The following TMEM132C variants were observed in gnomAD, a reference collection of about 807,000 sequenced individuals.
TMEM132C encodes protein phosphatase 1, regulatory subunit 152.
In TMEM132C, 29 loss-of-function variants were observed where a neutral mutation model predicts 61.4. That is an observed-to-expected ratio of 0.47 (90% confidence interval 0.35 to 0.64). The LOEUF is 0.64. TMEM132C is among the 30% of genes least tolerant of loss of function. TMEM132C has a pLI of 0.00. For missense variants in TMEM132C, 1,408 were observed against 1,476.9 expected, an observed-to-expected ratio of 0.95 and a Z score of 0.76; for synonymous variants, 656 against 633.1, an observed-to-expected ratio of 1.04 and a Z score of -0.54.
chr12:128,414,840 A>G lies in TMEM132C; in HGVS notation c.194A>G (p.Lys65Arg). 1.3e-6 allele frequency: 2 copies of G among 1,548,796 alleles called. No homozygotes were observed. Among genetic ancestry groups the G allele is most frequent in the African/African-American group, 1.4e-5 (1 of 73,148 alleles). The change falls in exon 2 of 9, where the codon AAG (lysine) becomes AGG (arginine). Residue 65 changes from lysine to arginine, a missense_variant. Physicochemically the swap from Lys to Arg is conservative, Grantham distance 26 (BLOSUM62 2). Transcript: ENST00000435159. ...AGAGCAGAGACCTCCTTCTTCCTCA[A>G]GGAAGCCAACCAGGACCTGCTGCGG... is the stretch of plus-strand genomic sequence containing the variant. ...ILRAETSFFL[K>R]EANQDLLRNS... is the part of the protein sequence containing the mutation.
intron 2 of TMEM132C, among the ~76,000 whole-genome samples, chr12:128,500,571 G>A (rs1270785476): frequency 6.6e-6 from 1 of 152,032 alleles, no homozygotes; most frequent in Non-Finnish European, 1.5e-5. Context: ...GTACACAAAT[G>A]TCCAATATGT....
At chr12:128,506,210 G>A (rs1872353527) in intron 2 of TMEM132C, among the ~76,000 whole-genome samples, 1 of 152,200 alleles carries the variant, frequency 6.6e-6, no homozygotes, top group Admixed American at 6.5e-5. Flanking sequence ...CCAGATGCAG[G>A]AGAAAGCAGT....
intron 2 of TMEM132C, among the ~76,000 whole-genome samples, chr12:128,522,405 G>T (rs1329730681): frequency 6.6e-6 from 1 of 152,174 alleles, no homozygotes; most frequent in Admixed American, 6.5e-5. Context: ...CCGGCACTCT[G>T]CCTTCTCTGC....
chr12:128,556,885 G>A (rs182089594), intron 3 of TMEM132C, among the ~76,000 whole-genome samples: 39 of 152,212 alleles, frequency 2.6e-4, no homozygotes, highest in Non-Finnish European at 4.6e-4. Context: ...AAGACACCCA[G>A]CTAAGCCCTT....
chr12:128,629,504 T>C (rs1954047944), intron 4 of TMEM132C, among the ~76,000 whole-genome samples: 1 of 152,074 alleles, frequency 6.6e-6, no homozygotes, highest in African/African-American at 2.4e-5. Flanking sequence ...ATTCCACTAA[T>C]ATGAGGTATC....
chr12:128,363,293 G>C (rs1873762209), intron 1 of TMEM132C, among the ~76,000 whole-genome samples: 1 of 152,066 alleles, frequency 6.6e-6, no homozygotes, highest in Non-Finnish European at 1.5e-5. Context: ...CCCAATCAAA[G>C]CCTGCTCTGC....
chr12:128,601,727 G>GCAGTGGC (rs540444180), intron 3 of TMEM132C, among the ~76,000 whole-genome samples: 7,684 of 152,188 alleles, frequency 0.05, 516 homozygotes, highest in African/African-American at 0.15. Context: ...GGGGATCAGT[G>GCAGTGGC]CAGTGGCGGT....
chr12:128,409,995 T>A (rs1367419391), intron 1 of TMEM132C, among the ~76,000 whole-genome samples: 1 of 152,140 alleles, frequency 6.6e-6, no homozygotes, highest in Non-Finnish European at 1.5e-5. Context: ...TTAGGAATAA[T>A]AATATGGTGG....
Position 128,686,127 on chromosome 12 carries a change from T to C in TMEM132C, c.1450-7702T>C, listed in dbSNP as rs574694503. ...GTGTGCATGTGTGTGTGCATGTATG[T>C]GTGCATGTGTGTGCATATGTGTGTA... On this transcript the variant is annotated intron_variant, in intron 5 of 8. Coordinates refer to ENST00000435159, the MANE Select transcript of TMEM132C (RefSeq NM_001136103.3). Among the ~76,000 whole-genome samples, 74 of 151,958 alleles carry C rather than the reference T, an allele frequency of 4.9e-4. 1 individual carries two copies. Among genetic ancestry groups the C allele is most frequent in the Admixed American group, 2.8e-3 (43 of 15,264 alleles).
chr12:128,301,910 A>ACG (rs758039016), intron 1 of TMEM132C, among the ~76,000 whole-genome samples: 2 of 152,190 alleles, frequency 1.3e-5, no homozygotes, highest in Admixed American at 6.5e-5. Flanking sequence ...ATGGTGGCAG[A>ACG]TGAGAGAAAT....
Position 128,267,253 on chromosome 12 carries a change from G to A in TMEM132C, c.-150G>A, listed in dbSNP as rs867675369. The A allele has an allele frequency of 5.2e-5, 15 of 290,460 alleles. No individual in the cohort carries two copies. Among genetic ancestry groups the A allele is most frequent in the Non-Finnish European group, 2.0e-5 (4 of 196,368 alleles). 18.0% of individuals were successfully genotyped at this position (290,460 alleles called of 1,614,324 possible). On this transcript the variant is annotated 5_prime_UTR_variant, in exon 1 of 9. Coordinates refer to ENST00000435159, the MANE Select transcript of TMEM132C (RefSeq NM_001136103.3). ...GCCGGAGCTGCGGCGGCGTGGACCCGGCAGGGGCGGGCCTCGGACAGCAGA... is the reference window on the plus strand; with the variant it reads ...GCCGGAGCTGCGGCGGCGTGGACCCAGCAGGGGCGGGCCTCGGACAGCAGA...
chr12:128,644,025 A>T (rs1263558533), intron 4 of TMEM132C, among the ~76,000 whole-genome samples: 2 of 152,168 alleles, frequency 1.3e-5, no homozygotes, highest in Non-Finnish European at 2.9e-5. Flanking sequence ...GTCATGGGGG[A>T]ACTGCAAATT....
At chr12:128,485,784 C>G (rs145929736) in intron 2 of TMEM132C, among the ~76,000 whole-genome samples, 1 of 152,326 alleles carries the variant, frequency 6.6e-6, no homozygotes, top group East Asian at 1.9e-4. Flanking sequence ...GATTGCTCTT[C>G]CCCCTTCCAG....
At chr12:128,409,907 G>C (rs889250536) in intron 1 of TMEM132C, among the ~76,000 whole-genome samples, 9 of 152,150 alleles carry the variant, frequency 5.9e-5, no homozygotes, top group African/African-American at 2.2e-4. Context: ...ATGATGACAA[G>C]ATAGTGTCTT....
intron 4 of TMEM132C, among the ~76,000 whole-genome samples, chr12:128,654,218 G>C (rs904343130): frequency 6.6e-6 from 1 of 152,158 alleles, no homozygotes; most frequent in African/African-American, 2.4e-5. Flanking sequence ...TCCAATGACT[G>C]GTGTCCCTAT....
chr12:128,573,155 A>G (rs1014769279), intron 3 of TMEM132C, among the ~76,000 whole-genome samples: 10 of 152,240 alleles, frequency 6.6e-5, no homozygotes, highest in South Asian at 6.2e-4. Context: ...ATGCACATAT[A>G]TGTTTATTGT....
At chr12:128,323,804 G>C (rs1476180019) in intron 1 of TMEM132C, among the ~76,000 whole-genome samples, 2 of 152,208 alleles carry the variant, frequency 1.3e-5, no homozygotes, top group African/African-American at 4.8e-5. Context: ...TGGAGTCTTT[G>C]AGGGGACGCT....
chr12:128,689,525 T>G (rs1954703194), intron 5 of TMEM132C, among the ~76,000 whole-genome samples: 4 of 152,306 alleles, frequency 2.6e-5, no homozygotes, highest in Admixed American at 2.0e-4. Flanking sequence ...TTGATTTTCT[T>G]GTATCTGAAC....
Position 128,326,325 on chromosome 12 carries a change from A to C in TMEM132C, c.85+58838A>C, listed in dbSNP as rs1177429821. Reference sequence around the variant, plus strand: ...CTCCGTGTCCGATTCTCTGGATATGAGAGTGTTGTTTTCCAAGTGTAGCAG... The same window carrying C: ...CTCCGTGTCCGATTCTCTGGATATGCGAGTGTTGTTTTCCAAGTGTAGCAG... On this transcript the variant is annotated intron_variant, in intron 1 of 8. Transcript: ENST00000435159. The surrounding 1 kb of genome is among the most constrained non-coding windows in gnomAD (Gnocchi z 5.6). 6.6e-6 allele frequency among the ~76,000 whole-genome samples: 1 copy of C among 152,132 alleles called. No homozygotes were observed. The highest frequency in any genetic ancestry group is 1.5e-5 in the Non-Finnish European group (1 of 68,014).
Sources: allele counts gnomAD v4.1 joint callset (sites outside exome capture counted in the v4.1 genomes callset), GRCh38; gene constraint gnomAD v4.1.1; non-coding constraint Gnocchi (gnomAD v3.1); transcripts MANE v1.5; gene names NCBI Gene and HGNC (gene_info 2026-07-23, HGNC 2026-07-21).